C2: variants seen among roughly 807,000 people sequenced by gnomAD.
C2 encodes the protein C3/C5 convertase.
Under a neutral mutation model 85.2 loss-of-function variants are expected in C2, and 64 were observed. The ratio of observed to expected loss-of-function variants is 0.75; its 90% CI spans 0.61 to 0.92. C2 has a LOEUF of 0.92. C2 is among the 40% of genes least tolerant of loss of function. The pLI, the probability that C2 is intolerant of heterozygous loss-of-function variation, is 0.00. For synonymous variants in C2, 311 were observed against 370.8 expected (o/e 0.84, Z 1.85); for missense variants, 820 against 971.6 (o/e 0.84, Z 2.07).
intron 7 of C2, chr6:31,936,441 T>C (rs527883568): frequency 9.7e-6 from 3 of 307,862 alleles, no homozygotes; most frequent in Non-Finnish European, 1.9e-5. Context: ...GGAAACCTCA[T>C]CTTTGAATCT....
Position 31,945,122 on chromosome 6 carries a change from G to A in C2, c.2080-56G>A. ...GGCCTTTGAGGGATCTAGGGAGGTTGGGGCTTACAGTTGGGGCTGTGGCAG... is the reference window on the plus strand; with the variant it reads ...GGCCTTTGAGGGATCTAGGGAGGTTAGGGCTTACAGTTGGGGCTGTGGCAG... On this transcript the variant is annotated intron_variant, in intron 17 of 17. Coordinates refer to ENST00000299367, the MANE Select transcript of C2 (RefSeq NM_000063.6). This position sits in a 1 kb window ranked among gnomAD's most constrained non-coding sequence, Gnocchi z 5.3. 6.2e-7 allele frequency: 1 copy of A among 1,610,374 alleles called. No homozygotes were observed. Among genetic ancestry groups the A allele is most frequent in the South Asian group, 1.1e-5 (1 of 91,026 alleles).
At chr6:31,942,022 T>G (rs1192062046) in intron 9 of C2, among the ~76,000 whole-genome samples, 1 of 151,648 alleles carries the variant, frequency 6.6e-6, no homozygotes, top group African/African-American at 2.4e-5. Flanking sequence ...TTCACCATGT[T>G]GGTCAGGCTG....
In C2 at chr6:31,927,796, C is replaced by A. The variant is rs1277877707; in HGVS notation, c.44C>A (p.Pro15Gln). 6.2e-7 allele frequency: 1 copy of A among 1,613,832 alleles called. No individual in the cohort carries two copies. The highest frequency in any genetic ancestry group is 8.5e-7 in the Non-Finnish European group (1 of 1,179,900). Residue 15 changes from proline (P) to glutamine (Q), a missense_variant and splice_region_variant, in exon 1 of 18, where the codon CCA becomes CAA. Coordinates refer to ENST00000299367, the MANE Select transcript of C2 (RefSeq NM_000063.6). The surrounding 1 kb of genome is among the most constrained non-coding windows in gnomAD (Gnocchi z 4.7). ...CTTTTTTGCCTGCTGTTCCTGTACC[C>A]AGGTAGGAGGCAGGGAAGGGGGAAC... ...MVLFCLLFLY[P>Q]GLADSAPSCP...
upstream of C2, chr6:31,900,642 G>C (rs543170534): frequency 6.2e-7 from 1 of 1,612,782 alleles, no homozygotes; most frequent in African/African-American, 1.3e-5. The surrounding 1 kb of genome is among the most constrained non-coding windows in gnomAD (Gnocchi z 9.7). Context: ...GGTTTGAGCC[G>C]GTGTGCCACC....
chr6:31,911,403 C>T (rs1768090701), intron 1 of C2, among the ~76,000 whole-genome samples: 1 of 151,942 alleles, frequency 6.6e-6, no homozygotes, highest in African/African-American at 2.4e-5. Flanking sequence ...ATGTTTACAA[C>T]ACACTGGAAT....
chr6:31,942,729 G>T (rs1296833481), intron 9 of C2, among the ~76,000 whole-genome samples: 2 of 152,212 alleles, frequency 1.3e-5, no homozygotes, highest in Non-Finnish European at 2.9e-5. Flanking sequence ...AGGGCCTGAG[G>T]TGTGACCATG....
upstream of C2, chr6:31,900,883 A>T (rs373260313): frequency 4.3e-6 from 7 of 1,613,918 alleles, no homozygotes; most frequent in East Asian, 6.7e-5. The surrounding 1 kb of genome is among the most constrained non-coding windows in gnomAD (Gnocchi z 9.7). Flanking sequence ...TCACAAGGCT[A>T]GCCTCACTGA....
At chr6:31,899,814 C>A (rs1000900895), upstream of C2, 27 of 1,144,820 alleles carry the variant, frequency 2.4e-5, no homozygotes, top group African/African-American at 3.1e-5. Context: ...GCTCAGCCTC[C>A]CACTCTTACC....
At chr6:31,916,685 G>C (rs1768533627), upstream of C2, among the ~76,000 whole-genome samples, 1 of 151,632 alleles carries the variant, frequency 6.6e-6, no homozygotes, top group Non-Finnish European at 1.5e-5. Context: ...GGAGGCAGGA[G>C]CATCTGTCTA....
intron 1 of C2, among the ~76,000 whole-genome samples, chr6:31,913,916 G>A (rs777424863): frequency 2.0e-5 from 3 of 150,330 alleles, no homozygotes; most frequent in Non-Finnish European, 4.4e-5. Context: ...GGGATTACAG[G>A]CATGAGCCAC....
chr6:31,937,473 T>C lies in C2; in HGVS notation c.1129+14T>C. On this transcript the variant is annotated intron_variant, in intron 8 of 17. Transcript: ENST00000299367. ...TTCTGACAGATGGTGGGTATCATGG[T>C]CTCTGAGTGTGTCTGGAATAGTGGA... The C allele has an allele frequency of 6.2e-7, 1 of 1,612,654 alleles. No homozygotes were observed. The highest frequency in any genetic ancestry group is 2.2e-5 in the East Asian group (1 of 44,784).
intron 9 of C2, 84 bp downstream of exon 9, chr6:31,939,404 T>C: frequency 1.9e-6 from 2 of 1,054,896 alleles, no homozygotes; most frequent in Admixed American, 3.4e-5. Flanking sequence ...GCATCTTAGC[T>C]ATGGTCCAGA....
chr6:31,941,204 G>A (rs1177194192), intron 9 of C2: 1 of 152,210 alleles, frequency 6.6e-6, no homozygotes, highest in Non-Finnish European at 1.5e-5. Context: ...ACAAACCTGG[G>A]TGGCTTAGAA....
chr6:31,906,821 A>C lies in C2; in HGVS notation c.73+5682A>C, dbSNP rs1209285212. Among the ~76,000 whole-genome samples the C allele has an allele frequency of 2.6e-5, 4 of 152,010 alleles. No homozygotes were observed. In the East Asian group the frequency reaches 7.7e-4, roughly 29 times the overall value. On this transcript the variant is annotated intron_variant, in intron 1 of 3. Coordinates refer to the C2 transcript ENST00000452202. ...GAGTCATTCGTGAGAGCAGAAATAC[A>C]AAAAGCTGTCAAGTTAAGAATTAGA... is the stretch of plus-strand genomic sequence containing the variant.
intron 1 of C2, chr6:31,901,948 G>C (rs1255419161): frequency 1.4e-5 from 2 of 147,422 alleles, no homozygotes; most frequent in East Asian, 2.0e-4. Context: ...CAGGCGCGGG[G>C]ATGCACGGGA....
Position 31,904,554 on chromosome 6 carries a change from T to C in C2, c.73+3415T>C, listed in dbSNP as rs1308767092. 1.3e-5 allele frequency among the ~76,000 whole-genome samples: 2 copies of C among 152,002 alleles called. No individual in the cohort carries two copies. Among genetic ancestry groups the C allele is most frequent in the African/African-American group, 4.8e-5 (2 of 41,334 alleles). ...GTCTCGAACTCCTGACCTCGGGTGA[T>C]CCACCTTGCTCAGCCTCCCAAAGTG... is the stretch of plus-strand genomic sequence containing the variant. On this transcript the variant is annotated intron_variant, in intron 1 of 3. Coordinates refer to the C2 transcript ENST00000452202. This position sits in a 1 kb window ranked among gnomAD's most constrained non-coding sequence, Gnocchi z 4.4.
In C2 at chr6:31,922,235, G is replaced by T. The variant is rs189696564; in HGVS notation, c.-100+2209G>T. ...ATCCACTAAAACCACCAAGAGGCTT[G>T]CAGAGCAATGCTGAATCCCCATCTA... On this transcript the variant is annotated intron_variant, in intron 1 of 3. Coordinates refer to the C2 transcript ENST00000413154. The surrounding 1 kb of genome is among the most constrained non-coding windows in gnomAD (Gnocchi z 4.8). Among the ~76,000 whole-genome samples, 2 of 152,196 alleles carry T rather than the reference G, an allele frequency of 1.3e-5. No individual in the cohort carries two copies. The highest frequency in any genetic ancestry group is 3.9e-4 in the East Asian group (2 of 5,190).
At chr6:31,926,657 T>C (rs1769284355), upstream of C2, among the ~76,000 whole-genome samples, 4 of 148,574 alleles carry the variant, frequency 2.7e-5, no homozygotes, top group Admixed American at 6.7e-5. Context: ...CTTTTTGAGA[T>C]GTAGTCTTAC....
chr6:31,934,513 G>C, intron 6 of C2: 3 of 1,275,070 alleles, frequency 2.4e-6, no homozygotes, highest in Non-Finnish European at 3.3e-6. Flanking sequence ...GGGGCTGGGC[G>C]ACAGCAAAGA....
Sources: allele counts gnomAD v4.1 joint callset (sites outside exome capture counted in the v4.1 genomes callset), GRCh38; gene constraint gnomAD v4.1.1; non-coding constraint Gnocchi (gnomAD v3.1); transcripts MANE v1.5; gene names NCBI Gene and HGNC (gene_info 2026-07-23, HGNC 2026-07-21).